The following DHX15 variants were observed in gnomAD, a reference collection of about 807,000 sequenced individuals.
DHX15 encodes the protein ATP-dependent RNA helicase DHX15.
DHX15 carries 11 observed loss-of-function variants against 94.4 expected under a neutral mutation model. The observed-to-expected ratio is 0.12, with a 90% CI of 0.07 to 0.19. DHX15 has a LOEUF of 0.19. Ranked by LOEUF, DHX15 falls within the 10% of genes least tolerant of loss-of-function variation. The pLI is 1.00. For synonymous variants in DHX15, 338 were observed against 329.9 expected, an observed-to-expected ratio of 1.02 and a Z score of -0.27; for missense variants, 304 against 988.5, an observed-to-expected ratio of 0.31 and a Z score of 9.29.
chr4:24,552,687 T>C (rs1721633428), intron 5 of DHX15, among the ~76,000 whole-genome samples: 1 of 152,200 alleles, frequency 6.6e-6, no homozygotes, highest in African/African-American at 2.4e-5. Flanking sequence ...ACAAATGAAA[T>C]GTAAACAAAA....
chr4:24,547,943 C>CTATA (rs757091144), intron 6 of DHX15, among the ~76,000 whole-genome samples: 5 of 72,138 alleles, frequency 6.9e-5, no homozygotes, highest in African/African-American at 1.1e-4. Context: ...ATATATATAT[C>CTATA]TATATCTATA....
chr4:24,542,132 C>T (rs1721324411), intron 7 of DHX15, 110 bp from the exon 8 acceptor site: 4 of 917,548 alleles, frequency 4.4e-6, no homozygotes, highest in South Asian at 4.1e-5. Context: ...AAAGAAATAT[C>T]GATAGCCATA....
At chr4:24,544,345 C>T (rs1721379395) in intron 6 of DHX15, among the ~76,000 whole-genome samples, 1 of 152,058 alleles carries the variant, frequency 6.6e-6, no homozygotes, top group Admixed American at 6.5e-5. Context: ...TAACAGGAAA[C>T]CTCAGGGATT....
chr4:24,547,663 G>A (rs1721453217), intron 6 of DHX15, among the ~76,000 whole-genome samples: 1 of 151,758 alleles, frequency 6.6e-6, no homozygotes, highest in African/African-American at 2.4e-5. Context: ...AACTAGGCAG[G>A]CTGAGGGCTG....
intron 3 of DHX15, among the ~76,000 whole-genome samples, chr4:24,565,195 A>C (rs1372775952): frequency 6.6e-6 from 1 of 152,230 alleles, no homozygotes; most frequent in Admixed American, 6.5e-5. Flanking sequence ...TGTATAAACA[A>C]AGAGAGCCTT....
rs750188288 is a variant in DHX15, at chr4:24,570,674, A to G, written c.681T>C (p.Ser227=). Residue 227 remains serine, a synonymous_variant, in exon 3 of 14, where the codon AGT becomes AGC. Transcript: ENST00000336812. The stretch of plus-strand genomic sequence containing the variant: ...CTTACTTAAGAATGGTTTTTGCACT[A>G]CTGCAGTCTTCAAATCGAATGGAGT... The part of the protein sequence containing the change: ...VGYSIRFEDC[S]SAKTILKYMT... 1.9e-6 allele frequency: 3 copies of G among 1,613,826 alleles called. No individual in the cohort carries two copies.
chr4:24,569,772 T>C (rs1437121819), intron 3 of DHX15, among the ~76,000 whole-genome samples: 1 of 152,148 alleles, frequency 6.6e-6, no homozygotes, highest in Non-Finnish European at 1.5e-5. Flanking sequence ...TTTCTTTTTT[T>C]TTAAAAGAAA....
intron 2 of DHX15, among the ~76,000 whole-genome samples, chr4:24,571,052 C>G (rs548302732): frequency 1.3e-5 from 2 of 152,276 alleles, no homozygotes; most frequent in East Asian, 3.9e-4. Context: ...GACACACACC[C>G]AAGTTGGGTA....
At chr4:24,543,260 A>G (rs1256415607) in intron 6 of DHX15, among the ~76,000 whole-genome samples, 1 of 152,190 alleles carries the variant, frequency 6.6e-6, no homozygotes, top group Non-Finnish European at 1.5e-5. Flanking sequence ...CTATTACTTC[A>G]GGTTATCACT....
chr4:24,580,398 C>A (rs1722383684), intron 1 of DHX15, among the ~76,000 whole-genome samples: 2 of 152,012 alleles, frequency 1.3e-5, no homozygotes, highest in Non-Finnish European at 2.9e-5. Context: ...CAGAGGAAGA[C>A]CCTGTCTCTA....
chr4:24,552,664 A>G (rs1008579954), intron 5 of DHX15, among the ~76,000 whole-genome samples: 11 of 152,358 alleles, frequency 7.2e-5, no homozygotes, highest in African/African-American at 2.6e-4. Context: ...GACCAGCTCT[A>G]CTACTAAATA....
chr4:24,537,366 G>A lies in DHX15; in HGVS notation c.1787-193C>T, dbSNP rs933113230. The A allele has an allele frequency of 1.8e-6, 1 of 571,278 alleles. No individual in the cohort carries two copies. The highest frequency in any genetic ancestry group is 3.7e-5 in the Admixed American group (1 of 27,102). 35.4% of individuals were successfully genotyped at this position (571,278 alleles called of 1,614,324 possible). On this transcript the variant is annotated intron_variant, in intron 10 of 13. Transcript: ENST00000336812. This position sits in a 1 kb window ranked among gnomAD's most constrained non-coding sequence, Gnocchi z 4.7. Reference sequence around the variant, plus strand: ...ACCTAACCACATCTGTAAGACAAGAGGGTTTCAAAGCTACAGAGTACCTGA... The same window carrying A: ...ACCTAACCACATCTGTAAGACAAGAAGGTTTCAAAGCTACAGAGTACCTGA...
intron 2 of DHX15, among the ~76,000 whole-genome samples, chr4:24,573,005 G>C (rs1722157727): frequency 6.6e-6 from 1 of 152,108 alleles, no homozygotes. Flanking sequence ...CCACCTCCAG[G>C]GTTCAAGTGA....
At chr4:24,569,310 C>G (rs555037422) in intron 3 of DHX15, among the ~76,000 whole-genome samples, 5 of 152,014 alleles carry the variant, frequency 3.3e-5, no homozygotes, top group Non-Finnish European at 7.4e-5. Context: ...TCAATTTCTG[C>G]GGCTGGGTGT....
chr4:24,580,752 A>C lies in DHX15; in HGVS notation c.71+3571T>G, dbSNP rs891093177. On this transcript the variant is annotated intron_variant, in intron 1 of 13. Transcript: ENST00000336812. ...AGGCTGGTCTTGAACTCCTGACCTC[A>C]GGTGATCCATTCGCCTAGGCCTCCC... 4 of 152,004 alleles carry C rather than the reference A, an allele frequency of 2.6e-5. No individual in the cohort carries two copies. The East Asian group carries it at 5.8e-4, about 22-fold the overall frequency. The allele number at this position is 152,004 out of a possible 1,614,324, so 9.4% of individuals were successfully genotyped here.
At chr4:24,557,157 G>A (rs1205893365) in intron 3 of DHX15, among the ~76,000 whole-genome samples, 1 of 152,128 alleles carries the variant, frequency 6.6e-6, no homozygotes, top group Non-Finnish European at 1.5e-5. Flanking sequence ...ACGTAAGAAT[G>A]AAGGCAATGA....
In DHX15 at chr4:24,537,366, G is replaced by C. The variant is rs933113230; in HGVS notation, c.1787-193C>G. The C allele has an allele frequency of 1.8e-5, 10 of 571,396 alleles. 1 individual carries two copies. The South Asian group carries it at 2.7e-4, about 16-fold the overall frequency. The allele number at this position is 571,396 out of a possible 1,614,324, so 35.4% of individuals were successfully genotyped here. A position where few individuals can be genotyped will look rare whatever the true frequency, so the allele number is the denominator to read the frequency against. On this transcript the variant is annotated intron_variant, in intron 10 of 13. Coordinates refer to ENST00000336812, the MANE Select transcript of DHX15 (RefSeq NM_001358.3). This position sits in a 1 kb window ranked among gnomAD's most constrained non-coding sequence, Gnocchi z 4.7. ...ACCTAACCACATCTGTAAGACAAGA[G>C]GGTTTCAAAGCTACAGAGTACCTGA... is the stretch of plus-strand genomic sequence containing the variant.
At chr4:24,546,276 C>T (rs945254275) in intron 6 of DHX15, among the ~76,000 whole-genome samples, 1 of 152,170 alleles carries the variant, frequency 6.6e-6, no homozygotes, top group African/African-American at 2.4e-5. Flanking sequence ...TCCACAAGGG[C>T]CATTTCTCTT....
chr4:24,531,384 G>A (rs1336363445), intron 12 of DHX15, among the ~76,000 whole-genome samples: 1 of 151,676 alleles, frequency 6.6e-6, no homozygotes, highest in Non-Finnish European at 1.5e-5. Flanking sequence ...CACAGCGCCC[G>A]GCCAGTTTTT....
Sources: allele counts gnomAD v4.1 joint callset (sites outside exome capture counted in the v4.1 genomes callset), GRCh38; gene constraint gnomAD v4.1.1; non-coding constraint Gnocchi (gnomAD v3.1); transcripts MANE v1.5; gene names NCBI Gene and HGNC (gene_info 2026-07-23, HGNC 2026-07-21).